The following ABR variants were observed in gnomAD, a reference collection of about 807,000 sequenced individuals.
ABR encodes the protein active breakpoint cluster region-related protein.
Under a neutral mutation model 107.2 loss-of-function variants are expected in ABR, and 35 were observed. The observed-to-expected ratio is 0.33, with a 90% CI of 0.25 to 0.43. ABR has a LOEUF of 0.43. Ranked by LOEUF, ABR falls within the 20% of genes least tolerant of loss-of-function variation. ABR has a pLI of 1.00. For missense variants in ABR, 815 were observed against 1,115.2 expected (o/e 0.73, Z 3.83); for synonymous variants, 498 against 462.0 (o/e 1.08, Z -1.00).
chr17:1,195,179 C>T (rs1298679229), intron 1 of ABR, among the ~76,000 whole-genome samples: 5 of 147,314 alleles, frequency 3.4e-5, no homozygotes, highest in East Asian at 2.2e-4. Context: ...CAGTGGCGGG[C>T]GCCTGTAGTC....
chr17:1,065,850 A>T (rs971646415), intron 10 of ABR, among the ~76,000 whole-genome samples: 1 of 150,704 alleles, frequency 6.6e-6, no homozygotes, highest in African/African-American at 2.4e-5. Flanking sequence ...GGTTCAAGCA[A>T]TTCTCCTGTC....
At chr17:1,215,995 T>C (rs898232190) in intron 1 of ABR, among the ~76,000 whole-genome samples, 26 of 135,880 alleles carry the variant, frequency 1.9e-4, no homozygotes, top group African/African-American at 6.6e-4. Context: ...TTAAGAGTCA[T>C]CACCAATCCC....
chr17:1,108,917 G>A (rs776080335), intron 2 of ABR: 6 of 1,580,732 alleles, frequency 3.8e-6, no homozygotes, highest in African/African-American at 1.4e-5. Flanking sequence ...AGCGCCCAGG[G>A]CGTGTCACGC....
intron 22 of ABR, among the ~76,000 whole-genome samples, chr17:1,006,810 C>G (rs1302322816): frequency 8.7e-6 from 1 of 114,330 alleles, no homozygotes; most frequent in Non-Finnish European, 1.9e-5. Context: ...CACCCTCCGC[C>G]AGCCACGGGC....
At chr17:1,129,804 G>T (rs766215318) in intron 1 of ABR, among the ~76,000 whole-genome samples, 1 of 152,072 alleles carries the variant, frequency 6.6e-6, no homozygotes, top group Non-Finnish European at 1.5e-5. Context: ...AAAATTAGCT[G>T]GGTGCGATGG....
chr17:1,056,247 A>G, intron 13 of ABR, 138 bp from the exon 14 acceptor site: 1 of 776,538 alleles, frequency 1.3e-6, no homozygotes, highest in South Asian at 1.6e-5. Flanking sequence ...GGCCAGATGA[A>G]AAAGTTTCCG....
chr17:1,048,039 G>A (rs1242972796), intron 16 of ABR, among the ~76,000 whole-genome samples: 1 of 152,156 alleles, frequency 6.6e-6, no homozygotes, highest in East Asian at 1.9e-4. Context: ...CGTCTCCTGG[G>A]GCTGCACAGG....
chr17:1,229,528 G>A (rs866425066), exon 1 of ABR, among the ~76,000 whole-genome samples: 2 of 152,032 alleles, frequency 1.3e-5, no homozygotes, highest in Non-Finnish European at 2.9e-5. Flanking sequence ...CGGCGCTCCA[G>A]CTCCCGCTCC....
chr17:1,149,916 GATA>G (rs1362869557), intron 1 of ABR, among the ~76,000 whole-genome samples: 5 of 152,214 alleles, frequency 3.3e-5, no homozygotes, highest in Non-Finnish European at 7.3e-5. Context: ...GTCAAATGAA[GATA>G]ATAACATAAC....
intron 1 of ABR, among the ~76,000 whole-genome samples, chr17:1,164,150 G>GGAC (rs1324207049): frequency 1.1e-5 from 1 of 94,612 alleles, no homozygotes; most frequent in African/African-American, 4.7e-5. Flanking sequence ...GCATCCAGGT[G>GGAC]GGACCCTGGC....
At position 1,003,698 on chromosome 17, in the gene ABR, A is replaced by G. The variant is rs1440585531; in HGVS notation, c.*2382T>C. ...GGTCCCATCCTACCTGTGTATCAGC[A>G]GAAACTGGCAGCCATCAGCCATTGC... On this transcript the variant is annotated 3_prime_UTR_variant, in exon 23 of 23. Transcript: ENST00000302538. The G allele has an allele frequency of 6.6e-6, 1 of 152,588 alleles. No individual in the cohort carries two copies. Among genetic ancestry groups the G allele is most frequent in the Non-Finnish European group, 1.5e-5 (1 of 68,044 alleles). 9.5% of individuals were successfully genotyped at this position (152,588 alleles called of 1,614,324 possible). A position where few individuals can be genotyped will look rare whatever the true frequency, so the allele number is the denominator to read the frequency against.
intron 1 of ABR, among the ~76,000 whole-genome samples, chr17:1,151,057 AC>A (rs1251066645): frequency 6.6e-6 from 1 of 152,102 alleles, no homozygotes; most frequent in East Asian, 1.9e-4. Context: ...CACAGGCTCC[AC>A]CCCTTACCAG....
At chr17:1,180,488 C>T (rs1197727768), upstream of ABR, among the ~76,000 whole-genome samples, 3 of 152,086 alleles carry the variant, frequency 2.0e-5, no homozygotes, top group Non-Finnish European at 4.4e-5. Context: ...CGCGGCCGTT[C>T]CCGCCACACA....
chr17:1,110,388 GC>G (rs1465042860), intron 2 of ABR, among the ~76,000 whole-genome samples: 36 of 152,188 alleles, frequency 2.4e-4, no homozygotes, highest in African/African-American at 8.7e-4. Context: ...AGCCGGTGAA[GC>G]GAGCCAGGTA....
At chr17:1,020,459 G>A (rs1489518833) in intron 16 of ABR, among the ~76,000 whole-genome samples, 3 of 152,202 alleles carry the variant, frequency 2.0e-5, no homozygotes, top group South Asian at 2.1e-4. Context: ...AAAGAGAAAC[G>A]CTGGCGCTGG....
At chr17:1,173,086 C>A (rs1200015299) in intron 1 of ABR, among the ~76,000 whole-genome samples, 35 of 65,018 alleles carry the variant, frequency 5.4e-4, no homozygotes, top group African/African-American at 1.5e-3. Context: ...CAGTCCACCC[C>A]CCCCATCATC....
chr17:1,060,992 C>T (rs917347432), intron 10 of ABR, among the ~76,000 whole-genome samples: 2 of 151,046 alleles, frequency 1.3e-5, no homozygotes, highest in African/African-American at 2.4e-5. Flanking sequence ...AGTGAGACTC[C>T]ATCTCAAAAA....
upstream of ABR, among the ~76,000 whole-genome samples, chr17:1,191,115 G>A (rs1046519937): frequency 3.4e-4 from 52 of 152,248 alleles, no homozygotes; most frequent in African/African-American, 1.2e-3. Context: ...TGTGCCCAGG[G>A]GAGAGGCTCC....
rs1254752234 is a variant in ABR, at chr17:1,200,839, C to G, written c.838+27954G>C. The stretch of plus-strand genomic sequence containing the variant: ...GAGATAAAGCCTCATCTATAACATC[C>G]CCAGTAAAAAGCTGAGAATTGCTCC... On this transcript the variant is annotated intron_variant, in intron 1 of 22. Transcript: ENST00000574139. This position sits in a 1 kb window ranked among gnomAD's most constrained non-coding sequence, Gnocchi z 4.1. Among the ~76,000 whole-genome samples, 1 of 152,056 alleles carries G rather than the reference C, an allele frequency of 6.6e-6. No individual in the cohort carries two copies. The highest frequency in any genetic ancestry group is 1.9e-4 in the East Asian group (1 of 5,172).
Sources: allele counts gnomAD v4.1 joint callset (sites outside exome capture counted in the v4.1 genomes callset), GRCh38; gene constraint gnomAD v4.1.1; non-coding constraint Gnocchi (gnomAD v3.1); transcripts MANE v1.5; gene names NCBI Gene and HGNC (gene_info 2026-07-23, HGNC 2026-07-21).